PTBP2: variants seen among roughly 807,000 people sequenced by gnomAD.
PTBP2 encodes the protein polypyrimidine tract-binding protein 2.
A neutral mutation model predicts 61.4 loss-of-function variants in PTBP2; 13 were observed. The ratio of observed to expected loss-of-function variants is 0.21; its 90% CI spans 0.14 to 0.34. PTBP2 has a LOEUF of 0.34. PTBP2 is among the 10% of genes least tolerant of loss of function. PTBP2 has a pLI of 1.00. For missense variants in PTBP2, 405 were observed against 642.6 expected (o/e 0.63, Z 4.00); for synonymous variants, 215 against 218.5 (o/e 0.98, Z 0.14).
intron 2 of PTBP2, among the ~76,000 whole-genome samples, chr1:96,727,063 T>C (rs1650665317): frequency 6.6e-6 from 1 of 152,222 alleles, no homozygotes. Flanking sequence ...CCCTCCTTTC[T>C]GCTTTTCTTT....
At chr1:96,753,097 A>G (rs1407635921) in intron 3 of PTBP2, among the ~76,000 whole-genome samples, 1 of 152,184 alleles carries the variant, frequency 6.6e-6, no homozygotes, top group Non-Finnish European at 1.5e-5. Flanking sequence ...AGCAGGGGGC[A>G]GAATTTAGTA....
intron 3 of PTBP2, among the ~76,000 whole-genome samples, chr1:96,759,123 A>G (rs1008856191): frequency 6.6e-6 from 1 of 152,202 alleles, no homozygotes; most frequent in Non-Finnish European, 1.5e-5. Context: ...AACACTGCTA[A>G]GAGAAGTTTT....
intron 3 of PTBP2, among the ~76,000 whole-genome samples, chr1:96,759,492 GA>G (rs1289101982): frequency 1.3e-5 from 2 of 152,042 alleles, no homozygotes; most frequent in East Asian, 3.8e-4. Context: ...TAGAACAGCT[GA>G]ATATACATAC....
At chr1:96,756,879 A>G (rs1449508876) in intron 3 of PTBP2, among the ~76,000 whole-genome samples, 1 of 152,292 alleles carries the variant, frequency 6.6e-6, no homozygotes, top group East Asian at 1.9e-4. Context: ...CATTTTTCCA[A>G]ACCCATAGAA....
chr1:96,791,962 T>C (rs1659886826), intron 8 of PTBP2, among the ~76,000 whole-genome samples: 1 of 151,078 alleles, frequency 6.6e-6, no homozygotes, highest in South Asian at 2.1e-4. Flanking sequence ...GCCTCCCAAG[T>C]AGCTGGGACT....
At chr1:96,795,824 C>T (rs931768699) in intron 8 of PTBP2, among the ~76,000 whole-genome samples, 1 of 152,028 alleles carries the variant, frequency 6.6e-6, no homozygotes, top group Non-Finnish European at 1.5e-5. Context: ...TGCAGTGAGG[C>T]AGTATGTATA....
At chr1:96,739,828 G>A (rs1365531140) in intron 2 of PTBP2, among the ~76,000 whole-genome samples, 1 of 151,470 alleles carries the variant, frequency 6.6e-6, no homozygotes, top group African/African-American at 2.4e-5. Flanking sequence ...GGGTTTCACT[G>A]TAGCCAGGAT....
intron 2 of PTBP2, among the ~76,000 whole-genome samples, chr1:96,729,732 A>ATTT (rs748378072): frequency 3.4e-4 from 37 of 110,412 alleles, no homozygotes; most frequent in East Asian, 5.2e-4. Context: ...TGATACTACT[A>ATTT]TTTTTTTTTT....
At chr1:96,746,564 G>A (rs1182741550) in intron 2 of PTBP2, among the ~76,000 whole-genome samples, 2 of 151,834 alleles carry the variant, frequency 1.3e-5, no homozygotes, top group African/African-American at 2.4e-5. Context: ...TGCTGGGGGC[G>A]GTGGCTTGCG....
intron 3 of PTBP2, among the ~76,000 whole-genome samples, chr1:96,767,514 C>T (rs1462495204): frequency 3.3e-5 from 5 of 151,934 alleles, no homozygotes; most frequent in Non-Finnish European, 7.4e-5. Flanking sequence ...TATTTGTTCT[C>T]GTTATTCAAA....
At chr1:96,801,479 T>A (rs1420825487) in intron 8 of PTBP2, among the ~76,000 whole-genome samples, 1 of 152,188 alleles carries the variant, frequency 6.6e-6, no homozygotes, top group East Asian at 1.9e-4. Context: ...TAAAGTGTAT[T>A]TTGCCTCTTT....
chr1:96,790,858 G>T (rs1659709547), intron 8 of PTBP2, among the ~76,000 whole-genome samples: 1 of 152,096 alleles, frequency 6.6e-6, no homozygotes, highest in Non-Finnish European at 1.5e-5. Context: ...AAAAAGGAAG[G>T]GGGTGGGGTG....
chr1:96,771,660 T>G (rs1369192139), intron 5 of PTBP2, among the ~76,000 whole-genome samples: 3 of 152,166 alleles, frequency 2.0e-5, no homozygotes, highest in African/African-American at 7.2e-5. Context: ...CTTCTAATAA[T>G]TTATCAAGAG....
At chr1:96,739,166 A>G (rs887630055) in intron 2 of PTBP2, among the ~76,000 whole-genome samples, 4 of 152,124 alleles carry the variant, frequency 2.6e-5, no homozygotes, top group African/African-American at 4.8e-5. Context: ...TATTTTCTCT[A>G]TATTCCACAT....
chr1:96,754,587 T>C (rs1018614877), intron 3 of PTBP2, among the ~76,000 whole-genome samples: 1 of 152,150 alleles, frequency 6.6e-6, no homozygotes, highest in Admixed American at 6.5e-5. Context: ...AATTGGAGCA[T>C]TGACTACCAG....
chr1:96,822,512 C>T (rs562217612), exon 14 of PTBP2: 1 of 152,256 alleles, frequency 6.6e-6, no homozygotes, highest in East Asian at 1.9e-4. Context: ...GTAAACTGGA[C>T]TTAGGAGAAG....
intron 3 of PTBP2, among the ~76,000 whole-genome samples, chr1:96,756,412 C>G (rs953738573): frequency 6.6e-6 from 1 of 152,126 alleles, no homozygotes; most frequent in African/African-American, 2.4e-5. Context: ...AATATACTTT[C>G]ATTGTATGAT....
At position 96,763,590 on chromosome 1, in the gene PTBP2, G is replaced by A. The variant is rs545072950; in HGVS notation, c.116-6113G>A. 2.1e-4 allele frequency among the ~76,000 whole-genome samples: 29 copies of A among 137,920 alleles called. No individual in the cohort carries two copies. In the South Asian group the frequency reaches 2.3e-3, roughly 11 times the overall value. 90.5% of individuals were successfully genotyped at this position (137,920 alleles called of 152,430 possible). A position where few individuals can be genotyped will look rare whatever the true frequency, so the allele number is the denominator to read the frequency against. Reference sequence around the variant, plus strand: ...GTGGAAAGAGAGGGAGAGGGAGACCGTGGGGAGAGGAGGGAGGGGGAGGGG... The same window carrying A: ...GTGGAAAGAGAGGGAGAGGGAGACCATGGGGAGAGGAGGGAGGGGGAGGGG... On this transcript the variant is annotated intron_variant, in intron 3 of 13. Coordinates refer to ENST00000674951, the MANE Select transcript of PTBP2 (RefSeq NM_021190.4).
At chr1:96,778,008 T>A in intron 7 of PTBP2, 62 bp downstream of exon 7, 3 of 828,392 alleles carry the variant, frequency 3.6e-6, no homozygotes, top group Non-Finnish European at 5.6e-6. Context: ...GAAAAATATA[T>A]ATATATGTAT....
Sources: allele counts gnomAD v4.1 joint callset (sites outside exome capture counted in the v4.1 genomes callset), GRCh38; gene constraint gnomAD v4.1.1; transcripts MANE v1.5; gene names NCBI Gene and HGNC (gene_info 2026-07-23, HGNC 2026-07-21).